NAALADL2: variants seen among roughly 807,000 people sequenced by gnomAD.
NAALADL2 encodes the protein inactive N-acetylated-alpha-linked acidic dipeptidase-like protein 2.
A neutral mutation model predicts 87.2 loss-of-function variants in NAALADL2; 76 were observed. That is an observed-to-expected ratio of 0.87 (90% CI 0.72 to 1.05). The LOEUF (loss-of-function observed/expected upper bound fraction) is 1.05, where lower values mean the gene tolerates loss of function less well. NAALADL2 is among the 50% of genes least tolerant of loss of function. The pLI, the probability that NAALADL2 is intolerant of heterozygous loss-of-function variation, is 0.00. For synonymous variants in NAALADL2, 354 were observed against 331.0 expected (o/e 1.07, Z -0.75); for missense variants, 1,089 against 945.8 (o/e 1.15, Z -1.99).
At chr3:174,773,843 C>G (rs1233407823) in intron 3 of NAALADL2, among the ~76,000 whole-genome samples, 3 of 151,646 alleles carry the variant, frequency 2.0e-5, no homozygotes, top group Admixed American at 1.3e-4. Flanking sequence ...TATTTCTTCC[C>G]TCCTCTCAGT....
chr3:174,759,759 G>A (rs476190), intron 3 of NAALADL2, among the ~76,000 whole-genome samples: 38,489 of 151,108 alleles, frequency 0.25, 5,814 homozygotes, highest in Middle Eastern at 0.34. Flanking sequence ...GGAGTGCAAC[G>A]GCATTATCTT....
At chr3:174,537,153 G>A (rs1721796702) in intron 1 of NAALADL2, among the ~76,000 whole-genome samples, 1 of 152,126 alleles carries the variant, frequency 6.6e-6, no homozygotes, top group Non-Finnish European at 1.5e-5. Context: ...CATATGCTTT[G>A]CTAAGCAATT....
chr3:175,234,234 C>T, intron 3 of NAALADL2, 30 bp downstream of exon 3: 1 of 1,595,910 alleles, frequency 6.3e-7, no homozygotes. Context: ...CTGTCATTTA[C>T]AGTGAGATGG....
chr3:175,221,381 T>A (rs985862541), intron 2 of NAALADL2, among the ~76,000 whole-genome samples: 2 of 152,146 alleles, frequency 1.3e-5, no homozygotes, highest in Admixed American at 6.6e-5. Context: ...TCGAAGTGTA[T>A]TGAGACTTGC....
intron 1 of NAALADL2, chr3:175,059,874 G>T: frequency 3.0e-6 from 1 of 334,160 alleles, no homozygotes; most frequent in Non-Finnish European, 6.0e-6. Flanking sequence ...ACCAACATAG[G>T]GCAAGACACG....
At chr3:174,576,666 G>A (rs1156438784) in intron 2 of NAALADL2, among the ~76,000 whole-genome samples, 1 of 152,072 alleles carries the variant, frequency 6.6e-6, no homozygotes, top group African/African-American at 2.4e-5. Context: ...AAACCCTTAG[G>A]GAACACAGCC....
intron 1 of NAALADL2, among the ~76,000 whole-genome samples, chr3:174,980,125 T>G (rs560242936): frequency 6.6e-6 from 1 of 152,310 alleles, no homozygotes; most frequent in South Asian, 2.1e-4. Context: ...GGAGGCCACC[T>G]CTGATCTCCC....
upstream of NAALADL2, among the ~76,000 whole-genome samples, chr3:174,855,264 T>C (rs910192224): frequency 1.3e-5 from 2 of 152,160 alleles, no homozygotes; most frequent in African/African-American, 4.8e-5. Flanking sequence ...GCTATGACAT[T>C]ATGACAGCCA....
At chr3:174,995,836 A>G (rs1331286979) in intron 1 of NAALADL2, among the ~76,000 whole-genome samples, 1 of 152,158 alleles carries the variant, frequency 6.6e-6, no homozygotes, top group Non-Finnish European at 1.5e-5. Context: ...ATTTATTCCA[A>G]AAACGAATAA....
At position 175,576,085 on chromosome 3, in the gene NAALADL2, C is replaced by T. The variant is rs1238297722; in HGVS notation, c.1698C>T (p.Thr566=). ...NCTRRAQCPE[T]NISSIQIQGD... is the part of the protein sequence containing the mutation. ...CCAGAAGAGCCCAGTGCCCAGAAAC[C>T]AATATCAGTTCTATACAGATACAAG... Residue 566 remains threonine (T), a synonymous_variant, in exon 10 of 14, where the codon ACC becomes ACT. Transcript: ENST00000454872. 6.2e-7 allele frequency: 1 copy of T among 1,612,946 alleles called. No individual in the cohort carries two copies. Among genetic ancestry groups the T allele is most frequent in the Non-Finnish European group, 8.5e-7 (1 of 1,179,314 alleles).
chr3:175,399,598 G>T (rs572618959), intron 5 of NAALADL2, among the ~76,000 whole-genome samples: 8 of 152,116 alleles, frequency 5.3e-5, no homozygotes, highest in Non-Finnish European at 8.8e-5. Flanking sequence ...TGGCAGGAGC[G>T]TAGCAGTGAG....
At chr3:175,430,401 T>C (rs1389588593) in intron 5 of NAALADL2, among the ~76,000 whole-genome samples, 1 of 152,016 alleles carries the variant, frequency 6.6e-6, no homozygotes, top group Non-Finnish European at 1.5e-5. Flanking sequence ...ATGGCATTAT[T>C]TTGAAATATA....
In NAALADL2 at chr3:175,697,431, A is replaced by T. The variant is rs929800006; in HGVS notation, c.1897-39875A>T. ...CACACACACACACACACACACACACACAAAACCCTACTTATGAGGGTGTAT... is the reference window on the plus strand; with the variant it reads ...CACACACACACACACACACACACACTCAAAACCCTACTTATGAGGGTGTAT... On this transcript the variant is annotated intron_variant, in intron 11 of 13. Coordinates refer to ENST00000454872, the MANE Select transcript of NAALADL2 (RefSeq NM_207015.3). Among the ~76,000 whole-genome samples the T allele has an allele frequency of 5.2e-4, 79 of 151,282 alleles. 1 individual carries two copies. Among genetic ancestry groups the T allele is most frequent in the African/African-American group, 1.8e-3 (75 of 41,262 alleles).
At chr3:174,790,313 C>T (rs918252970) in intron 3 of NAALADL2, among the ~76,000 whole-genome samples, 12 of 152,084 alleles carry the variant, frequency 7.9e-5, no homozygotes, top group Non-Finnish European at 1.6e-4. Flanking sequence ...GCTTTCTTTC[C>T]CTCCTTTCCA....
intron 1 of NAALADL2, among the ~76,000 whole-genome samples, chr3:175,084,108 A>G (rs1216824737): frequency 1.3e-5 from 2 of 152,144 alleles, no homozygotes; most frequent in East Asian, 3.9e-4. Flanking sequence ...GCAGAATAGG[A>G]TTTTAAGCAG....
At chr3:174,444,098 T>G (rs1714867394) in intron 1 of NAALADL2, among the ~76,000 whole-genome samples, 3 of 152,134 alleles carry the variant, frequency 2.0e-5, no homozygotes, top group African/African-American at 7.2e-5. Context: ...CAATGGCATG[T>G]TGTGATACTA....
chr3:175,697,077 A>G (rs997998524), intron 11 of NAALADL2, among the ~76,000 whole-genome samples: 10 of 152,046 alleles, frequency 6.6e-5, no homozygotes, highest in South Asian at 2.1e-4. Flanking sequence ...AGCACCCACT[A>G]TGGAATTTTA....
intron 2 of NAALADL2, among the ~76,000 whole-genome samples, chr3:174,652,438 C>T (rs747224786): frequency 2.2e-4 from 34 of 152,298 alleles, no homozygotes; most frequent in Admixed American, 2.6e-4. Context: ...AATCGATTCA[C>T]AGTTCCACAT....
At chr3:175,137,157 A>C (rs1024267913) in intron 2 of NAALADL2, among the ~76,000 whole-genome samples, 20 of 152,174 alleles carry the variant, frequency 1.3e-4, no homozygotes, top group African/African-American at 4.6e-4. Flanking sequence ...TCATTACACA[A>C]TAATAATCTC....
Sources: gnomAD v4.1 joint callset for allele counts (sites outside exome capture counted in the v4.1 genomes callset) on GRCh38, gnomAD v4.1.1 for gene constraint, MANE v1.5 for transcripts, NCBI Gene and HGNC (gene_info 2026-07-23, HGNC 2026-07-21) for gene names.